Variants in ZNF804B observed in about 807,000 individuals in gnomAD.
The protein encoded by ZNF804B is zinc finger 804B.
In ZNF804B, 80 loss-of-function variants were observed where a neutral mutation model predicts 101.4. The observed-to-expected ratio is 0.79, with a 90% CI of 0.66 to 0.95. ZNF804B has a LOEUF of 0.95. Ranked by LOEUF, ZNF804B falls within the 40% of genes least tolerant of loss-of-function variation. The pLI is 0.00. For missense variants in ZNF804B, 1,673 were observed against 1,561.9 expected (o/e 1.07, Z -1.20); for synonymous variants, 622 against 558.8 (o/e 1.11, Z -1.59).
chr7:88,990,040 A>G (rs1793822352), intron 1 of ZNF804B, among the ~76,000 whole-genome samples: 1 of 152,048 alleles, frequency 6.6e-6, no homozygotes, highest in African/African-American at 2.4e-5. Context: ...TAAATCACCT[A>G]TTGTGGTTCT....
chr7:89,131,343 A>G (rs10235516), intron 1 of ZNF804B, among the ~76,000 whole-genome samples: 45,303 of 151,940 alleles, frequency 0.3, 7,285 homozygotes, highest in East Asian at 0.58. Context: ...TGGTATAAAC[A>G]TTAACTTATT....
intron 1 of ZNF804B, among the ~76,000 whole-genome samples, chr7:88,858,148 A>C (rs1157940647): frequency 1.3e-5 from 2 of 152,022 alleles, no homozygotes; most frequent in Admixed American, 1.3e-4. Context: ...ATAATTATCT[A>C]TCTCTCTTGA....
At chr7:88,865,944 T>C (rs1041924310) in intron 1 of ZNF804B, among the ~76,000 whole-genome samples, 3 of 152,240 alleles carry the variant, frequency 2.0e-5, no homozygotes, top group African/African-American at 7.2e-5. Flanking sequence ...TGGTTTAATA[T>C]GGTATGTTTT....
At chr7:88,761,975 CCA>C (rs1789904806) in intron 1 of ZNF804B, among the ~76,000 whole-genome samples, 1 of 152,106 alleles carries the variant, frequency 6.6e-6, no homozygotes, top group Non-Finnish European at 1.5e-5. Context: ...AGCCCATTGA[CCA>C]CATGGCTGTG....
At chr7:89,014,285 G>A (rs1389049854) in intron 1 of ZNF804B, among the ~76,000 whole-genome samples, 1 of 151,890 alleles carries the variant, frequency 6.6e-6, no homozygotes, top group Non-Finnish European at 1.5e-5. Context: ...TTTGATTTAC[G>A]TTTCCCTGAT....
chr7:88,876,862 C>A (rs1053673776), intron 1 of ZNF804B, among the ~76,000 whole-genome samples: 2 of 149,140 alleles, frequency 1.3e-5, no homozygotes, highest in African/African-American at 5.0e-5. Flanking sequence ...AAATATACAC[C>A]ACTTAAAAAG....
chr7:89,283,143 G>T (rs547782754), intron 2 of ZNF804B, among the ~76,000 whole-genome samples: 1 of 151,954 alleles, frequency 6.6e-6, no homozygotes, highest in Non-Finnish European at 1.5e-5. Context: ...TTAAACATTC[G>T]ATAAATTAAC....
intron 1 of ZNF804B, among the ~76,000 whole-genome samples, chr7:88,884,218 T>C (rs1792085579): frequency 6.6e-6 from 1 of 151,784 alleles, no homozygotes; most frequent in Non-Finnish European, 1.5e-5. Context: ...ATGTTATTAA[T>C]GCAGAGTATT....
intron 1 of ZNF804B, among the ~76,000 whole-genome samples, chr7:88,902,097 T>C (rs529163792): frequency 1.3e-5 from 2 of 151,918 alleles, no homozygotes; most frequent in Non-Finnish European, 2.9e-5. Flanking sequence ...TTGATTTAGC[T>C]CTAAACCCGA....
chr7:89,194,295 G>A, intron 1 of ZNF804B, among the ~76,000 whole-genome samples: 1 of 151,968 alleles, frequency 6.6e-6, no homozygotes, highest in Admixed American at 6.6e-5. Context: ...TTCTTTTGCT[G>A]TGCAGAAGCT....
intron 1 of ZNF804B, among the ~76,000 whole-genome samples, chr7:88,860,490 A>G (rs1440649619): frequency 6.6e-6 from 1 of 152,044 alleles, no homozygotes; most frequent in East Asian, 1.9e-4. Flanking sequence ...GGCTTCAGTA[A>G]GTTTTTTAGT....
intron 1 of ZNF804B, among the ~76,000 whole-genome samples, chr7:89,145,750 C>T (rs570647080): frequency 3.9e-5 from 6 of 152,110 alleles, no homozygotes; most frequent in African/African-American, 1.4e-4. Context: ...GCTTTTCCCT[C>T]CCTAAATAGT....
chr7:88,817,361 G>C (rs144384282), intron 1 of ZNF804B, among the ~76,000 whole-genome samples: 75 of 151,964 alleles, frequency 4.9e-4, no homozygotes, highest in Admixed American at 2.3e-3. Context: ...GCACATGTAC[G>C]CTAGAACTTA....
At chr7:88,765,736 A>G (rs1054554704) in intron 1 of ZNF804B, among the ~76,000 whole-genome samples, 3 of 152,194 alleles carry the variant, frequency 2.0e-5, no homozygotes, top group Admixed American at 1.3e-4. Flanking sequence ...TGACAGCTGA[A>G]AAAGCCTTTT....
intron 1 of ZNF804B, among the ~76,000 whole-genome samples, chr7:89,154,699 G>C (rs918596780): frequency 6.6e-6 from 1 of 152,112 alleles, no homozygotes; most frequent in East Asian, 1.9e-4. Context: ...TAAAAGGATG[G>C]TTACCAGAGG....
Position 89,144,688 on chromosome 7 carries a change from A to G in ZNF804B, c.109-73467A>G, listed in dbSNP as rs74378634. Among the ~76,000 whole-genome samples, 3,827 of 152,130 alleles carry G rather than the reference A, an allele frequency of 0.025. 535 individuals carry two copies. In the East Asian group the frequency reaches 0.42, roughly 17 times the overall value. On this transcript the variant is annotated intron_variant, in intron 1 of 3. Transcript: ENST00000333190. ...TAGATTTCAAAATTGCTAACATAAT[A>G]GATTTTAAATGTTTTCACTAAAAAT...
At chr7:89,109,477 TCTC>T (rs1452079684) in intron 1 of ZNF804B, among the ~76,000 whole-genome samples, 1 of 152,178 alleles carries the variant, frequency 6.6e-6, no homozygotes, top group Non-Finnish European at 1.5e-5. Flanking sequence ...TGGCTGTTGA[TCTC>T]CTAGGCAGAT....
Position 89,333,463 on chromosome 7 carries a change from T to A in ZNF804B, c.481T>A (p.Cys161Ser). Residue 161 changes from cysteine to serine, a missense_variant, in exon 4 of 4, where the codon TGC becomes AGC. Transcript: ENST00000333190. Reference protein sequence around the residue: ...FPIKNGRKVSCMKSALLLKGK... With the variant: ...FPIKNGRKVSSMKSALLLKGK... ...CATTAAGAATGGCAGAAAGGTATCA[T>A]GCATGAAGAGTGCTCTTCTCCTTAA... The A allele has an allele frequency of 6.2e-7, 1 of 1,613,264 alleles. No homozygotes were observed. The highest frequency in any genetic ancestry group is 1.1e-5 in the South Asian group (1 of 91,054).
At chr7:89,156,054 TTCTTTCTTTCTTTCTTTCTC>T (rs1790964477) in intron 1 of ZNF804B, among the ~76,000 whole-genome samples, 1 of 74,788 alleles carries the variant, frequency 1.3e-5, no homozygotes, top group South Asian at 4.7e-4. Context: ...CTTTCTTTCT[TTCTTTCTTTCTTTCTTTCTC>T]TCTTTCTCTC....
Sources: allele counts gnomAD v4.1 joint callset (sites outside exome capture counted in the v4.1 genomes callset), GRCh38; gene constraint gnomAD v4.1.1; transcripts MANE v1.5; gene names NCBI Gene and HGNC (gene_info 2026-07-23, HGNC 2026-07-21).